The following TNRC6A variants were observed in gnomAD, a reference collection of about 807,000 sequenced individuals.
The protein encoded by TNRC6A is trinucleotide repeat-containing gene 6A protein.
TNRC6A carries 44 observed loss-of-function variants against 221.2 expected under a neutral mutation model. The observed-to-expected ratio is 0.20, with a 90% confidence interval of 0.16 to 0.26. TNRC6A has a LOEUF of 0.26. TNRC6A is among the 10% of genes least tolerant of loss of function. The pLI, the probability that TNRC6A is intolerant of heterozygous loss-of-function variation, is 1.00. For synonymous variants in TNRC6A, 847 were observed against 838.5 expected, an observed-to-expected ratio of 1.01 and a Z score of -0.18; for missense variants, 2,199 against 2,404.4, an observed-to-expected ratio of 0.91 and a Z score of 1.79.
At chr16:24,753,558 A>G (rs2057183644) in intron 3 of TNRC6A, among the ~76,000 whole-genome samples, 1 of 152,214 alleles carries the variant, frequency 6.6e-6, no homozygotes, top group Admixed American at 6.5e-5. Context: ...GAGTGTTACC[A>G]GATAGCTCTT....
chr16:24,665,204 G>A (rs1231480399), intron 2 of TNRC6A, among the ~76,000 whole-genome samples: 1 of 151,888 alleles, frequency 6.6e-6, no homozygotes, highest in Non-Finnish European at 1.5e-5. Flanking sequence ...CGAGTAGCTG[G>A]GACTACAAGC....
At chr16:24,764,311 C>T (rs2151560588) in intron 4 of TNRC6A, among the ~76,000 whole-genome samples, 1 of 151,550 alleles carries the variant, frequency 6.6e-6, no homozygotes, top group South Asian at 2.1e-4. Context: ...ATATTTGCCA[C>T]AATTTCTTCT....
At chr16:24,795,200 G>C (rs1385115519) in intron 8 of TNRC6A, among the ~76,000 whole-genome samples, 2 of 152,156 alleles carry the variant, frequency 1.3e-5, no homozygotes, top group Non-Finnish European at 2.9e-5. Context: ...ATCTGAGCTT[G>C]GTTTTGCTTT....
chr16:24,823,694 A>G lies in TNRC6A; in HGVS notation c.5776A>G (p.Thr1926Ala). 6.2e-7 allele frequency: 1 copy of G among 1,605,090 alleles called. No individual in the cohort carries two copies. The highest frequency in any genetic ancestry group is 8.5e-7 in the Non-Finnish European group (1 of 1,174,344). ...TSLWGTPHYSTSLWGPPSSSD... is the reference protein window; with the variant it reads ...TSLWGTPHYSASLWGPPSSSD... Reference sequence around the variant, plus strand: ...ACTCTGGGGGACCCCGCATTATTCCACAAGCCTGTGGGGTCCCCCAAGCAG... The same window carrying G: ...ACTCTGGGGGACCCCGCATTATTCCGCAAGCCTGTGGGGTCCCCCAAGCAG... Residue 1926 changes from threonine (T) to alanine (A), a missense_variant, in exon 25 of 25, where the codon ACA (threonine) becomes GCA (alanine). By Grantham distance (58) the Thr-to-Ala change is moderately conservative (BLOSUM62 0). Coordinates refer to ENST00000395799, the MANE Select transcript of TNRC6A (RefSeq NM_014494.4). This position sits in a 1 kb window ranked among gnomAD's most constrained non-coding sequence, Gnocchi z 4.3.
rs9674274 is a variant in TNRC6A, at chr16:24,668,515, A to G, written n.402+27506A>G. Among the ~76,000 whole-genome samples, 328 of 152,258 alleles carry G rather than the reference A, an allele frequency of 2.2e-3. 2 individuals carry two copies. Among genetic ancestry groups the G allele is most frequent in the African/African-American group, 7.7e-3 (319 of 41,558 alleles). On this transcript the variant is annotated intron_variant and non_coding_transcript_variant, in intron 2 of 2. Transcript: ENST00000566108. The stretch of plus-strand genomic sequence containing the variant: ...TACCCGACTTCCCCCACTGGGCTTC[A>G]GTGCCTCTGAACTACTTAAGCAGTC...
intron 2 of TNRC6A, among the ~76,000 whole-genome samples, chr16:24,689,632 A>G (rs2055710231): frequency 6.6e-6 from 1 of 152,184 alleles, no homozygotes; most frequent in African/African-American, 2.4e-5. Context: ...CTAGGGATAG[A>G]GCAATGAACA....
chr16:24,783,400 A>G (rs1347385733), intron 5 of TNRC6A, among the ~76,000 whole-genome samples: 1 of 152,144 alleles, frequency 6.6e-6, no homozygotes, highest in Non-Finnish European at 1.5e-5. Flanking sequence ...AAGTGCTGGG[A>G]TTACAGGCAT....
At chr16:24,746,648 G>C (rs760864058) in intron 2 of TNRC6A, among the ~76,000 whole-genome samples, 1 of 152,160 alleles carries the variant, frequency 6.6e-6, no homozygotes, top group Non-Finnish European at 1.5e-5. Context: ...TGGATCATAA[G>C]ATAGTGACAT....
rs771984918 is a variant in TNRC6A, at chr16:24,823,418, CCT to C, written c.5514-8_5514-7del. Reference sequence around the variant, plus strand: ...GTGCTGTCCTCACGTGTCCGCGGTGCCTCTCTCCTCTAGGTGTGTACTGGGGA... The same window carrying C: ...GTGCTGTCCTCACGTGTCCGCGGTGCCTCTCCTCTAGGTGTGTACTGGGGA... On this transcript the variant is annotated splice_polypyrimidine_tract_variant and intron_variant, in intron 24 of 24. Coordinates refer to ENST00000395799, the MANE Select transcript of TNRC6A (RefSeq NM_014494.4). The surrounding 1 kb of genome is among the most constrained non-coding windows in gnomAD (Gnocchi z 4.3). The C allele has an allele frequency of 1.3e-6, 2 of 1,597,286 alleles. No individual in the cohort carries two copies. The highest frequency in any genetic ancestry group is 1.7e-6 in the Non-Finnish European group (2 of 1,169,240).
At position 24,729,761 on chromosome 16, in the gene TNRC6A, C is replaced by T. The variant is rs1476283252; in HGVS notation, c.-81C>T. The T allele has an allele frequency of 1.4e-5, 19 of 1,351,670 alleles. No individual in the cohort carries two copies. The African/African-American group carries it at 2.2e-4, about 15-fold the overall frequency. 83.7% of individuals were successfully genotyped at this position (1,351,670 alleles called of 1,614,324 possible). On this transcript the variant is annotated 5_prime_UTR_variant, in exon 1 of 25. Coordinates refer to ENST00000395799, the MANE Select transcript of TNRC6A (RefSeq NM_014494.4). ...AATGGCGCTGGTGCAGCGGCTCGGGCCTCTCCCCGCGGCGCTGCGGAGGGC... is the reference window on the plus strand; with the variant it reads ...AATGGCGCTGGTGCAGCGGCTCGGGTCTCTCCCCGCGGCGCTGCGGAGGGC...
intron 4 of TNRC6A, among the ~76,000 whole-genome samples, chr16:24,768,400 T>C (rs761480075): frequency 1.8e-4 from 26 of 140,810 alleles, no homozygotes; most frequent in Non-Finnish European, 3.4e-4. Context: ...GCCACTGCAC[T>C]CTAGCCTGGG....
chr16:24,823,781 C>G lies in TNRC6A; in HGVS notation c.5863C>G (p.Leu1955Val), dbSNP rs367832247. 2.0e-6 allele frequency: 3 copies of G among 1,479,918 alleles called. No individual in the cohort carries two copies. The highest frequency in any genetic ancestry group is 2.7e-6 in the Non-Finnish European group (3 of 1,114,810). The allele number at this position is 1,479,918 out of a possible 1,614,324, so 91.7% of individuals were successfully genotyped here. A position where few individuals can be genotyped will look rare whatever the true frequency, so the allele number is the denominator to read the frequency against. ...TAACGCTTTTCTTTCTGTTGACCACCTGGGTGGGGGTGGAGAGTCCATGTA... is the reference window on the plus strand; with the variant it reads ...TAACGCTTTTCTTTCTGTTGACCACGTGGGTGGGGGTGGAGAGTCCATGTA... ...PINAFLSVDH[L>V]GGGGESM The change falls in exon 25 of 25, where the codon CTG becomes GTG. Residue 1955 changes from leucine to valine, a missense_variant. Around this residue, in one of 8 missense-constraint regions of TNRC6A, gnomAD observed 130 missense variants for 121.7 expected, o/e 1.07. Coordinates refer to ENST00000395799, the MANE Select transcript of TNRC6A (RefSeq NM_014494.4). This position sits in a 1 kb window ranked among gnomAD's most constrained non-coding sequence, Gnocchi z 4.3.
intron 4 of TNRC6A, 87 bp from the exon 5 acceptor site, chr16:24,776,840 ATTTTTC>A: frequency 6.6e-7 from 1 of 1,518,706 alleles, no homozygotes; most frequent in Non-Finnish European, 8.8e-7. Context: ...TTTTAGGATT[ATTTTTC>A]TTAGTGCCTT....
At chr16:24,777,460 G>A in intron 5 of TNRC6A, 102 bp downstream of exon 5, 1 of 1,150,256 alleles carries the variant, frequency 8.7e-7, no homozygotes, top group Non-Finnish European at 1.2e-6. Flanking sequence ...GTATTCATCA[G>A]TATGTGGGCT....
At chr16:24,788,590 G>A (rs1189205387) in intron 5 of TNRC6A, among the ~76,000 whole-genome samples, 1 of 151,906 alleles carries the variant, frequency 6.6e-6, no homozygotes, top group Admixed American at 6.5e-5. Flanking sequence ...TTCTATGCCT[G>A]GGTTGTTCCG....
intron 2 of TNRC6A, among the ~76,000 whole-genome samples, chr16:24,693,575 G>A (rs1035783812): frequency 2.0e-5 from 3 of 151,954 alleles, no homozygotes; most frequent in African/African-American, 7.2e-5. Context: ...GTGACAGAGC[G>A]AGACTCCATC....
At chr16:24,682,909 G>A (rs935051887) in intron 2 of TNRC6A, among the ~76,000 whole-genome samples, 4 of 152,150 alleles carry the variant, frequency 2.6e-5, no homozygotes, top group East Asian at 3.9e-4. Context: ...CCAAGTGTTC[G>A]ATAAATGCAT....
At chr16:24,637,168 G>A (rs1038471609) in intron 1 of TNRC6A, among the ~76,000 whole-genome samples, 5 of 152,138 alleles carry the variant, frequency 3.3e-5, no homozygotes, top group African/African-American at 1.2e-4. Context: ...TAGTAGCTGG[G>A]ACTTCAGGTG....
At chr16:24,802,728 A>T (rs1251800912) in intron 11 of TNRC6A, among the ~76,000 whole-genome samples, 1 of 152,194 alleles carries the variant, frequency 6.6e-6, no homozygotes, top group African/African-American at 2.4e-5. Context: ...TTACAGAGAG[A>T]GTCAAAAGAC....
Sources: gnomAD v4.1 joint callset for allele counts (sites outside exome capture counted in the v4.1 genomes callset) on GRCh38, gnomAD v4.1.1 for gene constraint, gnomAD v4.1.1 regional missense constraint, Gnocchi (gnomAD v3.1) non-coding constraint, MANE v1.5 for transcripts, NCBI Gene and HGNC (gene_info 2026-07-23, HGNC 2026-07-21) for gene names.